The following FRMD5 variants were observed in gnomAD, a reference collection of about 807,000 sequenced individuals.
The protein encoded by FRMD5 is FERM domain containing 5.
FRMD5 carries 20 observed loss-of-function variants against 69.0 expected under a neutral mutation model. That is an observed-to-expected ratio of 0.29 (90% CI 0.20 to 0.42). The LOEUF (loss-of-function observed/expected upper bound fraction) is 0.42. FRMD5 is among the 10% of genes least tolerant of loss of function. The pLI is 1.00. For missense variants in FRMD5, 595 were observed against 708.6 expected (o/e 0.84, Z 1.82); for synonymous variants, 271 against 260.1 (o/e 1.04, Z -0.40).
chr15:43,961,173 G>A (rs1012166944), intron 1 of FRMD5, among the ~76,000 whole-genome samples: 1 of 152,058 alleles, frequency 6.6e-6, no homozygotes, highest in South Asian at 2.1e-4. Context: ...TAATAAAGAA[G>A]AAAAGAGAGA....
intron 1 of FRMD5, among the ~76,000 whole-genome samples, chr15:44,150,117 G>A (rs543550649): frequency 3.9e-5 from 6 of 152,044 alleles, no homozygotes; most frequent in Non-Finnish European, 8.8e-5. Flanking sequence ...AGCTTTTTGT[G>A]ATAAAAACAT....
At chr15:44,143,221 C>A (rs1388895361) in intron 1 of FRMD5, among the ~76,000 whole-genome samples, 2 of 152,200 alleles carry the variant, frequency 1.3e-5, no homozygotes, top group Non-Finnish European at 2.9e-5. Flanking sequence ...GTATCAGACA[C>A]AGTACACCCT....
chr15:44,135,001 T>C (rs2077160677), intron 1 of FRMD5, among the ~76,000 whole-genome samples: 1 of 152,198 alleles, frequency 6.6e-6, no homozygotes, highest in Admixed American at 6.5e-5. Context: ...TTTGAAAGTG[T>C]TACTCTCGCT....
chr15:43,947,184 T>C (rs1257428941), intron 1 of FRMD5, among the ~76,000 whole-genome samples: 1 of 152,230 alleles, frequency 6.6e-6, no homozygotes, highest in East Asian at 1.9e-4. Context: ...CTGGCATAAA[T>C]GTTTTGGATG....
At chr15:43,884,151 C>T (rs1012620797) in intron 12 of FRMD5, among the ~76,000 whole-genome samples, 4 of 152,142 alleles carry the variant, frequency 2.6e-5, no homozygotes, top group Non-Finnish European at 5.9e-5. Flanking sequence ...ATACTGGCAG[C>T]CTCCCCTGAC....
At chr15:44,141,021 TAATTTTTTAAAA>T (rs1364471484) in intron 1 of FRMD5, among the ~76,000 whole-genome samples, 1 of 151,362 alleles carries the variant, frequency 6.6e-6, no homozygotes, top group Non-Finnish European at 1.5e-5. Context: ...TTAGAAAATG[TAATTTTTTAAAA>T]AAAACCAATT....
chr15:43,991,827 C>G (rs756376464), intron 1 of FRMD5, among the ~76,000 whole-genome samples: 2 of 152,166 alleles, frequency 1.3e-5, no homozygotes, highest in Non-Finnish European at 2.9e-5. Context: ...AATCTTGGTC[C>G]AACATTCTTT....
chr15:43,956,391 A>C (rs2090116301), intron 1 of FRMD5, among the ~76,000 whole-genome samples: 2 of 152,144 alleles, frequency 1.3e-5, no homozygotes, highest in Admixed American at 1.3e-4. Flanking sequence ...AATAATTGGA[A>C]TTTTCTTCCT....
chr15:43,949,442 T>A (rs1046101488), intron 1 of FRMD5, among the ~76,000 whole-genome samples: 1 of 152,230 alleles, frequency 6.6e-6, no homozygotes, highest in Non-Finnish European at 1.5e-5. Context: ...GTGAGCTCCC[T>A]TCAGGTAGAA....
chr15:43,907,275 T>A lies in FRMD5; in HGVS notation c.428-1324A>T, dbSNP rs184311309. ...ATATTGTACTTGGGACTTGTACTTT[T>A]TCACTACAAACCTACTCACTGTATC... is the stretch of plus-strand genomic sequence containing the variant. On this transcript the variant is annotated intron_variant, in intron 5 of 13. Coordinates refer to ENST00000417257, the MANE Select transcript of FRMD5 (RefSeq NM_032892.5). Among the ~76,000 whole-genome samples, 406 of 152,336 alleles carry A rather than the reference T, an allele frequency of 2.7e-3. 5 individuals carry two copies. Among genetic ancestry groups the A allele is most frequent in the African/African-American group, 9.5e-3 (394 of 41,580 alleles).
intron 1 of FRMD5, among the ~76,000 whole-genome samples, chr15:43,974,832 T>C (rs1289932410): frequency 6.6e-6 from 1 of 152,214 alleles, no homozygotes; most frequent in African/African-American, 2.4e-5. Context: ...AACAAAAATT[T>C]TTCAAGAATT....
At chr15:44,031,656 C>T (rs545839561) in intron 1 of FRMD5, among the ~76,000 whole-genome samples, 1 of 152,120 alleles carries the variant, frequency 6.6e-6, no homozygotes, top group Non-Finnish European at 1.5e-5. Context: ...TAGGTTTCAA[C>T]ATATGAATTT....
intron 1 of FRMD5, among the ~76,000 whole-genome samples, chr15:44,169,924 C>T (rs960119192): frequency 3.3e-5 from 5 of 152,078 alleles, no homozygotes; most frequent in Non-Finnish European, 5.9e-5. Context: ...ATATAATATT[C>T]AGCCTTTCAC....
At position 43,880,815 on chromosome 15, in the gene FRMD5, C is replaced by T. The variant is rs934252430; in HGVS notation, c.1135+2888G>A. On this transcript the variant is annotated intron_variant, in intron 13 of 13. Coordinates refer to ENST00000417257, the MANE Select transcript of FRMD5 (RefSeq NM_032892.5). ...CCCTGGCCCTAGGGGGCCTATACTCCTCAGCAGCCTCTCCCCACTGTACGT... is the reference window on the plus strand; with the variant it reads ...CCCTGGCCCTAGGGGGCCTATACTCTTCAGCAGCCTCTCCCCACTGTACGT... Among the ~76,000 whole-genome samples, 3 of 152,350 alleles carry T rather than the reference C, an allele frequency of 2.0e-5. No homozygotes were observed. In the South Asian group the frequency reaches 6.2e-4, roughly 32 times the overall value.
At chr15:44,170,216 G>A (rs895823885) in intron 1 of FRMD5, among the ~76,000 whole-genome samples, 40 of 151,968 alleles carry the variant, frequency 2.6e-4, no homozygotes, top group African/African-American at 9.7e-4. Context: ...AAGCCCAGCT[G>A]GTTGCTTATT....
At chr15:43,900,479 T>C (rs1595497229) in intron 7 of FRMD5, among the ~76,000 whole-genome samples, 1 of 151,982 alleles carries the variant, frequency 6.6e-6, no homozygotes, top group African/African-American at 2.4e-5. Flanking sequence ...AACTGTGGGG[T>C]AGGGAAGATG....
intron 1 of FRMD5, among the ~76,000 whole-genome samples, chr15:43,944,570 C>T (rs2089913359): frequency 6.6e-6 from 1 of 152,086 alleles, no homozygotes; most frequent in Non-Finnish European, 1.5e-5. Context: ...GCTGAGATTA[C>T]AGGTGTGAGC....
At chr15:43,919,587 G>C in intron 3 of FRMD5, 50 bp from the exon 4 acceptor site, 10 of 1,555,640 alleles carry the variant, frequency 6.4e-6, no homozygotes, top group Non-Finnish European at 8.9e-6. Context: ...CCCAGAAGAG[G>C]ACAGGGCTCT....
At chr15:43,924,741 C>A (rs1029477429) in intron 1 of FRMD5, among the ~76,000 whole-genome samples, 1 of 152,204 alleles carries the variant, frequency 6.6e-6, no homozygotes, top group Non-Finnish European at 1.5e-5. Flanking sequence ...CCACCACCAT[C>A]CCTCAACAGG....
Sources: gnomAD v4.1 joint callset for allele counts (sites outside exome capture counted in the v4.1 genomes callset) on GRCh38, gnomAD v4.1.1 for gene constraint, MANE v1.5 for transcripts, NCBI Gene and HGNC (gene_info 2026-07-23, HGNC 2026-07-21) for gene names.